Variants in STAG1 observed in about 807,000 individuals in gnomAD.
STAG1 encodes cohesin subunit SA-1.
In STAG1, 26 loss-of-function variants were observed where a neutral mutation model predicts 170.9. The ratio of observed to expected loss-of-function variants is 0.15; its 90% confidence interval spans 0.11 to 0.21. STAG1 has a LOEUF of 0.21. Among genes scored for constraint, STAG1 ranks in the 10% least tolerant of loss-of-function variants. STAG1 has a pLI of 1.00. For synonymous variants in STAG1, 514 were observed against 497.7 expected (o/e 1.03, Z -0.44); for missense variants, 964 against 1,509.5 (o/e 0.64, Z 5.99).
chr3:136,445,254 A>G (rs903584426), intron 14 of STAG1, among the ~76,000 whole-genome samples: 5 of 152,038 alleles, frequency 3.3e-5, no homozygotes, highest in African/African-American at 1.2e-4. Flanking sequence ...TTTGAGGGAG[A>G]TATCTTCAAA....
chr3:136,623,332 A>AT (rs1939949623), intron 2 of STAG1, 84 bp from the exon 3 acceptor site: 1 of 1,221,466 alleles, frequency 8.2e-7, no homozygotes, highest in East Asian at 2.5e-5. Context: ...CACCTGCTAT[A>AT]TGGCTGATTA....
rs56372999 is a variant in STAG1 at position 136,572,309 on chromosome 3, C to G, written c.298-3448G>C. ...CAATCAGAAATAGTAAAATAGTAAA[C>G]AAGGCCAGGCACTGTGGCCCATTCC... On this transcript the variant is annotated intron_variant, in intron 4 of 33. Coordinates refer to ENST00000383202, the MANE Select transcript of STAG1 (RefSeq NM_005862.3). Among the ~76,000 whole-genome samples the G allele has an allele frequency of 1.9e-3, 286 of 151,882 alleles. 2 individuals carry two copies. The highest frequency in any genetic ancestry group is 0.014 in the Middle Eastern group (4 of 292).
chr3:136,410,394 ACT>A (rs111950340), intron 21 of STAG1, among the ~76,000 whole-genome samples: 103 of 152,248 alleles, frequency 6.8e-4, no homozygotes, highest in African/African-American at 2.4e-3. Flanking sequence ...ACAGAGCAAG[ACT>A]CTGTTTGAAA....
intron 13 of STAG1, among the ~76,000 whole-genome samples, chr3:136,457,538 T>C (rs182856228): frequency 1.3e-5 from 2 of 152,252 alleles, no homozygotes; most frequent in Non-Finnish European, 2.9e-5. Flanking sequence ...GCAGCCTCCA[T>C]ACCAGCGTTG....
intron 21 of STAG1, among the ~76,000 whole-genome samples, chr3:136,406,692 T>C (rs1009430630): frequency 6.6e-6 from 1 of 152,124 alleles, no homozygotes; most frequent in African/African-American, 2.4e-5. Flanking sequence ...ATTAATAAAT[T>C]CTAGGAAATA....
intron 13 of STAG1, among the ~76,000 whole-genome samples, chr3:136,452,962 G>T (rs1183391888): frequency 1.3e-5 from 2 of 151,968 alleles, no homozygotes; most frequent in Non-Finnish European, 2.9e-5. Context: ...GCTAATTTTT[G>T]TATTTTTAGT....
intron 1 of STAG1, among the ~76,000 whole-genome samples, chr3:136,675,756 TTTAAAC>T (rs1942111723): frequency 6.6e-6 from 1 of 152,060 alleles, no homozygotes; most frequent in Non-Finnish European, 1.5e-5. Context: ...ATTTGCTTAT[TTTAAAC>T]ATTTTCATAT....
chr3:136,620,898 A>T (rs951762495), intron 3 of STAG1, among the ~76,000 whole-genome samples: 11 of 152,216 alleles, frequency 7.2e-5, no homozygotes, highest in African/African-American at 2.7e-4. Context: ...AAAAGGGTTA[A>T]GCATTTGGGT....
intron 1 of STAG1, among the ~76,000 whole-genome samples, chr3:136,726,298 C>T (rs1304203381): frequency 1.3e-5 from 2 of 152,182 alleles, no homozygotes; most frequent in Non-Finnish European, 2.9e-5. Flanking sequence ...CACCATAATC[C>T]CTAGGTTTCT....
intron 1 of STAG1, among the ~76,000 whole-genome samples, chr3:136,678,385 T>A (rs1942210403): frequency 1.3e-5 from 2 of 151,784 alleles, no homozygotes; most frequent in Non-Finnish European, 2.9e-5. Context: ...ATATAAAGAT[T>A]TTAAATGAAA....
At chr3:136,574,215 C>T (rs66810260) in intron 4 of STAG1, among the ~76,000 whole-genome samples, 56,672 of 151,446 alleles carry the variant, frequency 0.37, 11,737 homozygotes, top group African/African-American at 0.56. Context: ...CACTCCAGCC[C>T]GGGTGACATG....
In STAG1 at chr3:136,350,368, C is replaced by T. The variant is rs527548441; in HGVS notation, c.3066-1005G>A. ...AGCATACCATTTGCATTTCTCATCACCTCCCAGCCCTGTGTTGTGTAAGTT... is the reference window on the plus strand; with the variant it reads ...AGCATACCATTTGCATTTCTCATCATCTCCCAGCCCTGTGTTGTGTAAGTT... On this transcript the variant is annotated intron_variant, in intron 28 of 33. Coordinates refer to ENST00000383202, the MANE Select transcript of STAG1 (RefSeq NM_005862.3). Among the ~76,000 whole-genome samples the T allele has an allele frequency of 1.1e-4, 17 of 152,278 alleles. No individual in the cohort carries two copies. In the South Asian group the frequency reaches 2.5e-3, roughly 22 times the overall value.
chr3:136,371,969 T>A (rs912719999), intron 23 of STAG1, among the ~76,000 whole-genome samples: 13 of 152,344 alleles, frequency 8.5e-5, no homozygotes, highest in African/African-American at 3.1e-4. Context: ...TTCACGATAT[T>A]GATTCTTCCT....
chr3:136,349,436 A>G (rs375721474), intron 28 of STAG1, 73 bp from the exon 29 acceptor site: 1 of 1,143,452 alleles, frequency 8.7e-7, no homozygotes. Flanking sequence ...TCTTAATCTG[A>G]GGCTCTCTTT....
chr3:136,737,017 C>T (rs1364593348), intron 1 of STAG1: 53 of 1,563,062 alleles, frequency 3.4e-5, no homozygotes, highest in Middle Eastern at 2.3e-4. Context: ...GGATAACTGC[C>T]GCTTTTTTAT....
intron 20 of STAG1, among the ~76,000 whole-genome samples, chr3:136,419,974 A>G (rs1385853770): frequency 6.6e-6 from 1 of 152,126 alleles, no homozygotes; most frequent in Non-Finnish European, 1.5e-5. Context: ...TAGGCCAGGC[A>G]CAGTGACTCA....
At chr3:136,430,802 GACAGACACAC>G (rs1235784036) in intron 16 of STAG1, among the ~76,000 whole-genome samples, 74 of 88,950 alleles carry the variant, frequency 8.3e-4, no homozygotes, top group African/African-American at 3.0e-3. Context: ...AACAGACATA[GACAGACACAC>G]ACACACACAC....
At chr3:136,490,817 T>C (rs2090112064) in intron 9 of STAG1, among the ~76,000 whole-genome samples, 1 of 152,214 alleles carries the variant, frequency 6.6e-6, no homozygotes, top group Non-Finnish European at 1.5e-5. Flanking sequence ...GTTTTTCATC[T>C]TCTCAAAAGT....
chr3:136,440,481 A>AT (rs1228577471), intron 15 of STAG1, among the ~76,000 whole-genome samples: 1 of 151,600 alleles, frequency 6.6e-6, no homozygotes, highest in Non-Finnish European at 1.5e-5. Flanking sequence ...AAATAACCTT[A>AT]TGGAACATGG....
Sources: gnomAD v4.1 joint callset for allele counts (sites outside exome capture counted in the v4.1 genomes callset) on GRCh38, gnomAD v4.1.1 for gene constraint, MANE v1.5 for transcripts, NCBI Gene and HGNC (gene_info 2026-07-23, HGNC 2026-07-21) for gene names.